Variants in MYO16 observed in about 807,000 individuals in gnomAD.
The protein encoded by MYO16 is unconventional myosin-XVI.
In MYO16, 94 loss-of-function variants were observed where a neutral mutation model predicts 205.3. That is an observed-to-expected ratio of 0.46 (90% CI 0.39 to 0.54). The LOEUF is 0.54. Ranked by LOEUF, MYO16 falls within the 20% of genes least tolerant of loss-of-function variation. MYO16 has a pLI of 0.00. For synonymous variants in MYO16, 988 were observed against 954.0 expected, an observed-to-expected ratio of 1.04 and a Z score of -0.66; for missense variants, 2,315 against 2,387.5, an observed-to-expected ratio of 0.97 and a Z score of 0.63.
chr13:108,996,973 T>G (rs1414450123), intron 21 of MYO16, among the ~76,000 whole-genome samples: 2 of 152,174 alleles, frequency 1.3e-5, no homozygotes, highest in African/African-American at 2.4e-5. Flanking sequence ...AAAGCCATGA[T>G]GTCTAGTAAA....
chr13:109,125,346 A>G lies in MYO16; in HGVS notation c.3770A>G (p.Glu1257Gly), dbSNP rs377241739. The change falls in exon 30 of 35, where the codon GAA (glutamate) becomes GGA (glycine). Residue 1257 changes from glutamate (E) to glycine (G), a missense_variant. Around this residue, in one of 3 missense-constraint regions of MYO16, gnomAD observed 1,097 missense variants for 1,092.0 expected, o/e 1.00. Coordinates refer to ENST00000457511, the MANE Select transcript of MYO16 (RefSeq NM_001198950.3). The surrounding 1 kb of genome is among the most constrained non-coding windows in gnomAD (Gnocchi z 4.0). ...EKLEVRNMQE[E>G]GSKRTDDKSG... is the part of the protein sequence containing the mutation. ...TTAGAGGTCAGGAACATGCAAGAGGAAGGAAGCAAAAGGTAAAGGCAGAGA... is the reference window on the plus strand; with the variant it reads ...TTAGAGGTCAGGAACATGCAAGAGGGAGGAAGCAAAAGGTAAAGGCAGAGA... The G allele has an allele frequency of 1.9e-6, 3 of 1,614,048 alleles. No individual in the cohort carries two copies. Among genetic ancestry groups the G allele is most frequent in the African/African-American group, 2.7e-5 (2 of 75,036 alleles).
intron 21 of MYO16, among the ~76,000 whole-genome samples, chr13:108,993,272 C>T (rs1396653782): frequency 2.0e-5 from 3 of 152,012 alleles, no homozygotes; most frequent in Non-Finnish European, 2.9e-5. Flanking sequence ...TTAGTAGCGT[C>T]GATTTCTTGG....
chr13:109,112,185 A>G (rs1889309136), intron 28 of MYO16, among the ~76,000 whole-genome samples: 1 of 152,200 alleles, frequency 6.6e-6, no homozygotes, highest in Non-Finnish European at 1.5e-5. Flanking sequence ...AGAGAAATAA[A>G]AAAGGGTTAG....
chr13:108,775,576 T>G (rs1886098052), intron 4 of MYO16, among the ~76,000 whole-genome samples: 1 of 152,106 alleles, frequency 6.6e-6, no homozygotes, highest in Non-Finnish European at 1.5e-5. Context: ...CCTAACCTCG[T>G]GGGTCATATC....
intron 1 of MYO16, among the ~76,000 whole-genome samples, chr13:108,661,107 G>A (rs116046854): frequency 6.6e-6 from 1 of 152,118 alleles, no homozygotes; most frequent in African/African-American, 2.4e-5. Flanking sequence ...GCTGAAGATA[G>A]GTCCCCAAGC....
chr13:109,047,249 T>TA (rs1485851054), intron 24 of MYO16, among the ~76,000 whole-genome samples: 1 of 152,150 alleles, frequency 6.6e-6, no homozygotes, highest in Non-Finnish European at 1.5e-5. Context: ...CTTACTACTT[T>TA]AGTGGGTTGA....
the MYO16 span, among the ~76,000 whole-genome samples, chr13:108,545,508 G>T: frequency 6.6e-6 from 1 of 152,030 alleles, no homozygotes; most frequent in African/African-American, 2.4e-5. Context: ...CTATTTCTTT[G>T]GGCATACACC....
At position 108,782,914 on chromosome 13, in the gene MYO16, C is replaced by T. The variant is rs544351727; in HGVS notation, c.508-2721C>T. The stretch of plus-strand genomic sequence containing the variant: ...GATTTCAGAAGGTGTATGGAAACAC[C>T]TGGATTCCCAAGCAAAAGTTTGCTG... On this transcript the variant is annotated intron_variant, in intron 4 of 34. Transcript: ENST00000457511. Among the ~76,000 whole-genome samples, 5 of 152,290 alleles carry T rather than the reference C, an allele frequency of 3.3e-5. No homozygotes were observed. The East Asian group carries it at 5.8e-4, about 18-fold the overall frequency.
At chr13:108,736,140 T>A (rs1384390712) in intron 4 of MYO16, among the ~76,000 whole-genome samples, 2 of 152,230 alleles carry the variant, frequency 1.3e-5, no homozygotes, top group Non-Finnish European at 2.9e-5. Flanking sequence ...CAGGAGCTCT[T>A]TTGTTTAATT....
chr13:109,040,385 C>CACACACAGAGAGAGAGAGAGAGAG (rs1394314811), intron 23 of MYO16, among the ~76,000 whole-genome samples: 14 of 113,282 alleles, frequency 1.2e-4, no homozygotes, highest in African/African-American at 3.8e-4. Flanking sequence ...CACACACACA[C>CACACACAGAGAGAGAGAGAGAGAG]AGAGAGAGAG....
chr13:109,188,327 T>G (rs1193301485), intron 34 of MYO16, among the ~76,000 whole-genome samples: 1 of 152,224 alleles, frequency 6.6e-6, no homozygotes, highest in African/African-American at 2.4e-5. Flanking sequence ...AATGTAATTT[T>G]AGAACTTTTT....
At chr13:108,525,371 G>A in the MYO16 span, among the ~76,000 whole-genome samples, 18 of 152,234 alleles carry the variant, frequency 1.2e-4, no homozygotes, top group Admixed American at 5.9e-4. Context: ...ATGAAATGAC[G>A]GATACCATTC....
At chr13:109,051,406 G>A (rs1006465261) in intron 24 of MYO16, among the ~76,000 whole-genome samples, 2 of 152,114 alleles carry the variant, frequency 1.3e-5, no homozygotes, top group African/African-American at 2.4e-5. Context: ...TTGGCTAAGC[G>A]TGATCCTAGT....
chr13:108,676,731 G>T lies in MYO16; in HGVS notation c.292+10582G>T, dbSNP rs1449766048. 2.0e-5 allele frequency among the ~76,000 whole-genome samples: 3 copies of T among 152,290 alleles called. No individual in the cohort carries two copies. The East Asian group carries it at 5.8e-4, about 29-fold the overall frequency. On this transcript the variant is annotated intron_variant, in intron 2 of 34. Coordinates refer to ENST00000457511, the MANE Select transcript of MYO16 (RefSeq NM_001198950.3). ...GGGACAAACCTCAGCAGCCCCAGAAGCCAGAGGAGAGGCGTGGTTTGTTAC... is the reference window on the plus strand; with the variant it reads ...GGGACAAACCTCAGCAGCCCCAGAATCCAGAGGAGAGGCGTGGTTTGTTAC...
In MYO16 at chr13:108,903,535, G is replaced by A. The variant is rs185699682; in HGVS notation, c.1777+5402G>A. Among the ~76,000 whole-genome samples the A allele has an allele frequency of 1.3e-4, 19 of 151,982 alleles. No homozygotes were observed. In the East Asian group the frequency reaches 3.7e-3, roughly 30 times the overall value. On this transcript the variant is annotated intron_variant, in intron 15 of 34. Transcript: ENST00000457511. ...CAATATGTATATGTATTTTTTGTAG[G>A]GCAAAATCCATCCTGCAACAAAGAG...
chr13:109,069,036 A>G (rs887063913), intron 27 of MYO16, among the ~76,000 whole-genome samples: 2 of 152,200 alleles, frequency 1.3e-5, no homozygotes, highest in Non-Finnish European at 1.5e-5. Context: ...CACATTGTCC[A>G]ATGTAGTTCA....
intron 21 of MYO16, among the ~76,000 whole-genome samples, chr13:108,997,389 AGGG>A (rs1885060298): frequency 1.4e-5 from 1 of 69,044 alleles, no homozygotes; most frequent in Non-Finnish European, 2.9e-5. Context: ...AGAGAGAGAG[AGGG>A]AGGGAGGGAG....
chr13:109,084,692 A>T (rs1198415058), intron 27 of MYO16, among the ~76,000 whole-genome samples: 1 of 151,856 alleles, frequency 6.6e-6, no homozygotes, highest in Non-Finnish European at 1.5e-5. Flanking sequence ...AATTATTAAA[A>T]TTTTTTCTCC....
At chr13:109,113,037 A>T (rs1875475293) in intron 28 of MYO16, among the ~76,000 whole-genome samples, 2 of 152,260 alleles carry the variant, frequency 1.3e-5, no homozygotes, top group African/African-American at 4.8e-5. Flanking sequence ...CACTAGTGAC[A>T]TGGATGTACT....
Sources: allele counts gnomAD v4.1 joint callset (sites outside exome capture counted in the v4.1 genomes callset), GRCh38; gene constraint gnomAD v4.1.1; regional missense constraint gnomAD v4.1.1; non-coding constraint Gnocchi (gnomAD v3.1); transcripts MANE v1.5; gene names NCBI Gene and HGNC (gene_info 2026-07-23, HGNC 2026-07-21).